Variants in PPL observed in about 807,000 individuals in gnomAD.
PPL encodes periplakin.
A neutral mutation model predicts 194.4 loss-of-function variants in PPL; 198 were observed. The observed-to-expected ratio is 1.02, with a 90% CI of 0.91 to 1.15. The LOEUF is 1.15. Among genes scored for constraint, PPL ranks in the 50% most tolerant of loss-of-function variants. The probability of loss-of-function intolerance (pLI) is 0.00; values close to 1 mark genes in which losing one functional copy is unlikely to be tolerated. For synonymous variants in PPL, 1,220 were observed against 972.4 expected (o/e 1.25, Z -4.74); for missense variants, 2,885 against 2,294.8 (o/e 1.26, Z -5.25).
intron 21 of PPL, 54 bp from the exon 22 acceptor site, chr16:4,886,101 G>A (rs1278397447): frequency 1.2e-6 from 2 of 1,608,952 alleles, no homozygotes; most frequent in Non-Finnish European, 8.5e-7. Flanking sequence ...AGCACATGTA[G>A]GGCCTGTCCC....
intron 20 of PPL, 47 bp from the exon 21 acceptor site, chr16:4,887,274 AG>A (rs1323272861): frequency 1.4e-6 from 2 of 1,399,826 alleles, no homozygotes; most frequent in East Asian, 2.3e-5. Context: ...AGGTGTCAAC[AG>A]GGTAAGCAAC....
chr16:4,909,423 C>CTTTTTTT (rs2088773682), intron 2 of PPL, among the ~76,000 whole-genome samples: 1 of 124,556 alleles, frequency 8.0e-6, no homozygotes, highest in Non-Finnish European at 1.7e-5. Flanking sequence ...TCTGGTCCCA[C>CTTTTTTT]CTTTTTTTTT....
At position 4,918,985 on chromosome 16, in the gene PPL, G is replaced by A. The variant is rs1476809895; in HGVS notation, c.63-8036C>T. Among the ~76,000 whole-genome samples, 7 of 152,310 alleles carry A rather than the reference G, an allele frequency of 4.6e-5. No individual in the cohort carries two copies. In the South Asian group the frequency reaches 8.3e-4, roughly 18 times the overall value. ...CTGGGCCATCAGCCCCACTGATGGA[G>A]GCCGAGACACAGCCCTGTCCTGCCC... On this transcript the variant is annotated intron_variant, in intron 1 of 21. Transcript: ENST00000345988.
rs1235236918 is a variant in PPL at position 4,899,222 on chromosome 16, C to G, written c.768+1G>C. On this transcript the variant is annotated splice_donor_variant, in intron 7 of 21. Coordinates refer to ENST00000345988, the MANE Select transcript of PPL (RefSeq NM_002705.5). LOFTEE classifies it high-confidence loss of function. ...TGATGCCCCAGGCCCCCAGAACCCA[C>G]CTCATACTGGCGCCGGCGGCTGGGG... is the stretch of plus-strand genomic sequence containing the variant. The G allele has an allele frequency of 6.2e-7, 1 of 1,613,790 alleles. No individual in the cohort carries two copies. The highest frequency in any genetic ancestry group is 8.5e-7 in the Non-Finnish European group (1 of 1,179,904).
intron 1 of PPL, among the ~76,000 whole-genome samples, chr16:4,918,786 T>C (rs1412044251): frequency 6.6e-6 from 1 of 152,144 alleles, no homozygotes; most frequent in Non-Finnish European, 1.5e-5. Context: ...GAATCAACCA[T>C]GTGTGCCCCT....
chr16:4,892,311 G>A, intron 14 of PPL, 98 bp from the exon 15 acceptor site: 1 of 1,346,466 alleles, frequency 7.4e-7, no homozygotes, highest in East Asian at 2.4e-5. Flanking sequence ...ATCAGGCACA[G>A]TGGAAGCAGC....
chr16:4,891,609 C>T (rs192665973), intron 16 of PPL: 263 of 585,784 alleles, frequency 4.5e-4, no homozygotes, highest in Admixed American at 3.9e-3. Flanking sequence ...AATGCTGGCA[C>T]CCGAAATCCC....
intron 8 of PPL, among the ~76,000 whole-genome samples, chr16:4,898,550 T>C (rs1050472900): frequency 6.6e-6 from 1 of 152,050 alleles, no homozygotes; most frequent in African/African-American, 2.4e-5. Context: ...GAGAAGGCCA[T>C]GTGAAGACGG....
chr16:4,894,372 A>C, intron 12 of PPL, 95 bp downstream of exon 12: 1 of 1,505,336 alleles, frequency 6.6e-7, no homozygotes, highest in Non-Finnish European at 9.0e-7. Flanking sequence ...CGCGCTCCCC[A>C]CAGGCTGAGT....
In PPL at chr16:4,884,825, T is replaced by A. The variant is rs765396404; in HGVS notation, c.3830A>T (p.Gln1277Leu). The change falls in exon 22 of 22, where the codon CAG becomes CTG. Residue 1277 changes from glutamine (Q) to leucine (L), a missense_variant. Transcript: ENST00000345988. The surrounding 1 kb of genome is among the most constrained non-coding windows in gnomAD (Gnocchi z 5.7). ...CTGGGGTTTGGTGTCTTTCAGGGCC[T>A]GGATTTCCTTTTTCAGCTGGTAGAT... ...LEIYQLKKEI[Q>L]ALKDTKPQVQ... 6.2e-7 allele frequency: 1 copy of A among 1,614,196 alleles called. No homozygotes were observed. Among genetic ancestry groups the A allele is most frequent in the South Asian group, 1.1e-5 (1 of 91,088 alleles).
rs762995701 is a variant in PPL at position 4,885,687 on chromosome 16, G to GC, written c.2967dup (p.Gln990AlafsTer14). ...AGGACCTCCTTGACCACGTACTCCT[G>GC]CCCCCCGTCTCTGGTCTCCTGCTCC... is the stretch of plus-strand genomic sequence containing the variant. On this transcript the variant is annotated frameshift_variant, in exon 22 of 22. Coordinates refer to ENST00000345988, the MANE Select transcript of PPL (RefSeq NM_002705.5). LOFTEE classifies it high-confidence loss of function. The surrounding 1 kb of genome is among the most constrained non-coding windows in gnomAD (Gnocchi z 6.3). 2.5e-5 allele frequency: 40 copies of GC among 1,613,236 alleles called. No homozygotes were observed. Among genetic ancestry groups the GC allele is most frequent in the African/African-American group, 1.7e-4 (13 of 74,810 alleles).
At chr16:4,914,723 T>G (rs760522910) in intron 1 of PPL, among the ~76,000 whole-genome samples, 2 of 152,100 alleles carry the variant, frequency 1.3e-5, no homozygotes, top group African/African-American at 2.4e-5. Flanking sequence ...AGTCCTGCAG[T>G]GGAGAAAGCC....
chr16:4,921,903 G>C (rs2089057879), intron 1 of PPL, among the ~76,000 whole-genome samples: 1 of 152,002 alleles, frequency 6.6e-6, no homozygotes, highest in South Asian at 2.1e-4. Flanking sequence ...AGTCCTCAGA[G>C]GGCCAGCAGG....
At chr16:4,906,793 A>G (rs940918096) in intron 2 of PPL, among the ~76,000 whole-genome samples, 23 of 152,226 alleles carry the variant, frequency 1.5e-4, no homozygotes, top group Non-Finnish European at 2.6e-4. Flanking sequence ...GATATCAACT[A>G]GGGAGATGGC....
In PPL at chr16:4,884,589, C is replaced by G. The variant is rs2088178079; in HGVS notation, c.4066G>C (p.Val1356Leu). ...AGGCCTGGCTCCTCCTCATACCTGA[C>G]CACCTCCTGCTGCACCACCCTTTCC... The part of the protein sequence containing the change: ...VKERVVQQEV[V>L]RYEEEPGLRA... Residue 1356 changes from valine (V) to leucine (L), a missense_variant, in exon 22 of 22, where the codon GTC becomes CTC. Transcript: ENST00000345988. This position sits in a 1 kb window ranked among gnomAD's most constrained non-coding sequence, Gnocchi z 5.7. 6.2e-7 allele frequency: 1 copy of G among 1,614,022 alleles called. No individual in the cohort carries two copies. Among genetic ancestry groups the G allele is most frequent in the Admixed American group, 1.7e-5 (1 of 60,000 alleles).
chr16:4,932,270 G>C (rs1596593288), intron 1 of PPL, among the ~76,000 whole-genome samples: 1 of 149,114 alleles, frequency 6.7e-6, no homozygotes, highest in African/African-American at 2.4e-5. Flanking sequence ...AAATGGCGGG[G>C]CGGCTCTCTC....
chr16:4,920,310 G>GGA (rs2089014305), intron 1 of PPL, among the ~76,000 whole-genome samples: 1 of 100,910 alleles, frequency 9.9e-6, no homozygotes, highest in Admixed American at 1.3e-4. Context: ...AAGAAGGAAA[G>GGA]AAGGAAAGAA....
At chr16:4,928,996 A>T (rs28385354) in intron 1 of PPL, among the ~76,000 whole-genome samples, 20,003 of 136,904 alleles carry the variant, frequency 0.15, 2,120 homozygotes, top group African/African-American at 0.21. Context: ...CTGGGCAACA[A>T]AAGTGAAACT....
In PPL at chr16:4,884,720, C is replaced by G; in HGVS notation, c.3935G>C (p.Arg1312Thr). Reference sequence around the variant, plus strand: ...CTTCTGCTCCTCTGAGAGCTTTGCCCTCAGAGACGCCACCTCCTCCTTGGT... The same window carrying G: ...CTTCTGCTCCTCTGAGAGCTTTGCCGTCAGAGACGCCACCTCCTCCTTGGT... ...PQTKEEVASL[R>T]AKLSEEQKKQ... The change falls in exon 22 of 22, where the codon AGG (arginine) becomes ACG (threonine). Residue 1312 changes from arginine (R) to threonine (T), a missense_variant. Coordinates refer to ENST00000345988, the MANE Select transcript of PPL (RefSeq NM_002705.5). The surrounding 1 kb of genome is among the most constrained non-coding windows in gnomAD (Gnocchi z 5.7). 1 of 1,614,164 alleles carries G rather than the reference C, an allele frequency of 6.2e-7. No individual in the cohort carries two copies. Among genetic ancestry groups the G allele is most frequent in the Non-Finnish European group, 8.5e-7 (1 of 1,180,038 alleles).
Sources: allele counts gnomAD v4.1 joint callset (sites outside exome capture counted in the v4.1 genomes callset), GRCh38; gene constraint gnomAD v4.1.1; non-coding constraint Gnocchi (gnomAD v3.1); transcripts MANE v1.5; gene names NCBI Gene and HGNC (gene_info 2026-07-23, HGNC 2026-07-21).